The following TBXAS1 variants were observed in gnomAD, a reference collection of about 807,000 sequenced individuals.
TBXAS1 encodes thromboxane A synthase 1.
TBXAS1 carries 48 observed loss-of-function variants against 60.7 expected under a neutral mutation model. The observed-to-expected ratio is 0.79, with a 90% CI of 0.63 to 1.01. The LOEUF (loss-of-function observed/expected upper bound fraction) is 1.01, where lower values mean the gene tolerates loss of function less well. Among genes scored for constraint, TBXAS1 ranks in the 50% least tolerant of loss-of-function variants. TBXAS1 has a pLI of 0.00. For synonymous variants in TBXAS1, 287 were observed against 269.7 expected, an observed-to-expected ratio of 1.06 and a Z score of -0.63; for missense variants, 685 against 686.3, an observed-to-expected ratio of 1.00 and a Z score of 0.02.
At chr7:139,876,926 G>C (rs1378766540) in intron 3 of TBXAS1, among the ~76,000 whole-genome samples, 2 of 152,188 alleles carry the variant, frequency 1.3e-5, no homozygotes, top group African/African-American at 4.8e-5. Context: ...GGGCACCAAG[G>C]CTCTGCATGT....
rs572057295 is a variant in TBXAS1, at chr7:139,902,475, G to A, written c.237-8750G>A. 5.0e-4 allele frequency among the ~76,000 whole-genome samples: 76 copies of A among 152,164 alleles called. No homozygotes were observed. The South Asian group carries it at 0.013, about 27-fold the overall frequency. ...TTTTTAAATTGCTGCATAGTATTCC[G>A]TTGTATAGATGTACTACAGTTTGTT... On this transcript the variant is annotated intron_variant, in intron 3 of 12. Coordinates refer to ENST00000448866, the MANE Select transcript of TBXAS1 (RefSeq NM_001061.7).
intron 10 of TBXAS1, among the ~76,000 whole-genome samples, chr7:140,009,843 C>T (rs1396842736): frequency 4.1e-5 from 5 of 123,234 alleles, no homozygotes; most frequent in Non-Finnish European, 6.8e-5. Flanking sequence ...GTCCCATGCC[C>T]GCCCCACAGC....
intron 1 of TBXAS1, among the ~76,000 whole-genome samples, chr7:139,844,453 G>T (rs558268345): frequency 2.0e-5 from 3 of 152,278 alleles, no homozygotes; most frequent in African/African-American, 7.2e-5. Flanking sequence ...AAGCTAATTG[G>T]AAAACTCTGC....
chr7:139,855,621 G>A (rs777369455), intron 1 of TBXAS1, among the ~76,000 whole-genome samples: 18 of 152,160 alleles, frequency 1.2e-4, no homozygotes, highest in Non-Finnish European at 2.2e-4. Context: ...TAGAAAGGCT[G>A]ATTCAGCAGT....
At position 140,017,709 on chromosome 7, in the gene TBXAS1, C is replaced by T. The variant is rs769763588; in HGVS notation, c.1403C>T (p.Thr468Met). ...AEARQQHRPF[T>M]YLPFGAGPRS... ...GCCCGGCAGCAGCACCGGCCCTTCA[C>T]GTACCTGCCCTTCGGGGCCGGCCCA... Residue 468 changes from threonine (T) to methionine (M), a missense_variant, in exon 12 of 13, where the codon ACG becomes ATG. By Grantham distance (81) the Thr-to-Met change is moderately conservative. Transcript: ENST00000448866. The T allele has an allele frequency of 2.5e-5, 41 of 1,613,782 alleles. No individual in the cohort carries two copies. The highest frequency in any genetic ancestry group is 1.7e-4 in the Middle Eastern group (1 of 6,024).
At chr7:139,968,586 C>T (rs969118738) in intron 9 of TBXAS1, among the ~76,000 whole-genome samples, 1 of 152,170 alleles carries the variant, frequency 6.6e-6, no homozygotes. Context: ...TGAGCCACCG[C>T]GCCCGGCTTC....
chr7:139,845,423 A>T (rs1256174178), intron 1 of TBXAS1, among the ~76,000 whole-genome samples: 1 of 151,688 alleles, frequency 6.6e-6, no homozygotes, highest in Non-Finnish European at 1.5e-5. Flanking sequence ...CTTTCCTTCT[A>T]CTTGCATGTC....
At chr7:139,967,286 G>C (rs1810864064) in intron 9 of TBXAS1, among the ~76,000 whole-genome samples, 1 of 152,206 alleles carries the variant, frequency 6.6e-6, no homozygotes, top group African/African-American at 2.4e-5. Flanking sequence ...CAAATAGGCA[G>C]AGAGGGCACA....
intron 9 of TBXAS1, among the ~76,000 whole-genome samples, chr7:139,979,752 AATAATAATAAT>A (rs1569521790): frequency 6.8e-6 from 1 of 147,878 alleles, no homozygotes. Context: ...TAATAATAAT[AATAATAATAAT>A]AATAAATAAA....
intron 10 of TBXAS1, among the ~76,000 whole-genome samples, chr7:140,010,808 C>A (rs368710524): frequency 1.3e-5 from 2 of 152,150 alleles, no homozygotes; most frequent in African/African-American, 4.8e-5. Context: ...TAATCTCTTA[C>A]GGGCAGGAAC....
chr7:139,879,585 A>G (rs1802526747), intron 3 of TBXAS1, among the ~76,000 whole-genome samples: 1 of 151,856 alleles, frequency 6.6e-6, no homozygotes, highest in Non-Finnish European at 1.5e-5. Flanking sequence ...GTGATTGAAT[A>G]TGGTTTATAT....
At chr7:139,961,783 C>T (rs943192194) in intron 8 of TBXAS1, 136 bp from the exon 9 acceptor site, 34 of 1,093,308 alleles carry the variant, frequency 3.1e-5, no homozygotes, top group Non-Finnish European at 4.4e-5. Flanking sequence ...CCCAGATAAC[C>T]CAGCAATGAG....
At chr7:139,983,638 G>C (rs1264302466) in intron 9 of TBXAS1, among the ~76,000 whole-genome samples, 1 of 152,114 alleles carries the variant, frequency 6.6e-6, no homozygotes, top group African/African-American at 2.4e-5. Flanking sequence ...ACTCAGTCTA[G>C]ATTTTCAAAC....
intron 3 of TBXAS1, among the ~76,000 whole-genome samples, chr7:139,901,636 G>A (rs1804582439): frequency 2.0e-5 from 3 of 152,036 alleles, no homozygotes; most frequent in Admixed American, 1.3e-4. Context: ...TCCCCTGGGA[G>A]CTTGTTAAAA....
At chr7:139,790,064 A>G (rs1797335094) in intron 4 of TBXAS1, among the ~76,000 whole-genome samples, 2 of 152,176 alleles carry the variant, frequency 1.3e-5, no homozygotes, top group Non-Finnish European at 2.9e-5. Context: ...CAAAATACCA[A>G]AGTAATCTGT....
intron 3 of TBXAS1, among the ~76,000 whole-genome samples, chr7:139,889,835 A>C (rs1199489974): frequency 6.6e-6 from 1 of 152,178 alleles, no homozygotes; most frequent in African/African-American, 2.4e-5. Flanking sequence ...GGGGTTTAAG[A>C]TTTCAACATA....
intron 3 of TBXAS1, among the ~76,000 whole-genome samples, chr7:139,899,098 C>T (rs1287318342): frequency 6.6e-6 from 1 of 152,018 alleles, no homozygotes; most frequent in Non-Finnish European, 1.5e-5. Context: ...AGGACAGTGC[C>T]CCATAATTTC....
intron 4 of TBXAS1, among the ~76,000 whole-genome samples, chr7:139,919,619 C>A (rs1352519160): frequency 1.3e-5 from 2 of 152,168 alleles, no homozygotes; most frequent in African/African-American, 4.8e-5. Flanking sequence ...AATACATGAA[C>A]CCGGTTACAG....
intron 4 of TBXAS1, among the ~76,000 whole-genome samples, chr7:139,914,844 T>A (rs1190351476): frequency 6.6e-6 from 1 of 152,168 alleles, no homozygotes; most frequent in Non-Finnish European, 1.5e-5. Context: ...GGCCAAGAAC[T>A]GTATCTTGTA....
Sources: allele counts gnomAD v4.1 joint callset (sites outside exome capture counted in the v4.1 genomes callset), GRCh38; gene constraint gnomAD v4.1.1; transcripts MANE v1.5; gene names NCBI Gene and HGNC (gene_info 2026-07-23, HGNC 2026-07-21).